The following B3GALT1 variants were observed in gnomAD, a reference collection of about 807,000 sequenced individuals.
B3GALT1 encodes beta-1,3-galactosyltransferase 1.
B3GALT1 carries 10 observed loss-of-function variants against 23.2 expected under a neutral mutation model. That is an observed-to-expected ratio of 0.43 (90% CI 0.27 to 0.73). The LOEUF is 0.73. Among genes scored for constraint, B3GALT1 ranks in the 30% least tolerant of loss-of-function variants. The probability of loss-of-function intolerance (pLI) is 0.21; values close to 1 mark genes in which losing one functional copy is unlikely to be tolerated. For synonymous variants in B3GALT1, 156 were observed against 141.5 expected, an observed-to-expected ratio of 1.10 and a Z score of -0.73; for missense variants, 299 against 405.4, an observed-to-expected ratio of 0.74 and a Z score of 2.25.
intron 3 of B3GALT1, among the ~76,000 whole-genome samples, chr2:167,797,608 G>T (rs1401775739): frequency 6.6e-6 from 1 of 152,194 alleles, no homozygotes; most frequent in African/African-American, 2.4e-5. Flanking sequence ...GTGTAAAAGT[G>T]TTCCTTTTTC....
chr2:167,608,291 A>G (rs912089545), intron 2 of B3GALT1, among the ~76,000 whole-genome samples: 2 of 152,152 alleles, frequency 1.3e-5, no homozygotes, highest in Non-Finnish European at 2.9e-5. Flanking sequence ...TCAGGAAGCT[A>G]TTTCTGTCCC....
chr2:167,648,829 C>G (rs958848970), intron 3 of B3GALT1, among the ~76,000 whole-genome samples: 1 of 152,110 alleles, frequency 6.6e-6, no homozygotes, highest in Non-Finnish European at 1.5e-5. Context: ...TTGACTACTA[C>G]TGGATGTGTT....
intron 1 of B3GALT1, among the ~76,000 whole-genome samples, chr2:167,301,443 G>C (rs766973919): frequency 1.4e-4 from 21 of 152,182 alleles, no homozygotes; most frequent in Non-Finnish European, 2.4e-4. Context: ...TCCTAGAATA[G>C]AAAGTGTGAC....
intron 3 of B3GALT1, among the ~76,000 whole-genome samples, chr2:167,673,063 A>C (rs768688321): frequency 1.1e-4 from 16 of 151,962 alleles, no homozygotes; most frequent in Non-Finnish European, 1.9e-4. Context: ...AGTAGACTCA[A>C]TTAGGAGTTG....
intron 1 of B3GALT1, among the ~76,000 whole-genome samples, chr2:167,351,379 C>T (rs2105255535): frequency 6.6e-6 from 1 of 152,092 alleles, no homozygotes; most frequent in African/African-American, 2.4e-5. Context: ...TACAAGTTCT[C>T]CATGATATTG....
intron 2 of B3GALT1, among the ~76,000 whole-genome samples, chr2:167,525,219 A>C (rs1324180558): frequency 2.0e-5 from 3 of 152,088 alleles, no homozygotes; most frequent in African/African-American, 7.2e-5. Context: ...GTGTATTTTC[A>C]ATATTTTTAT....
chr2:167,831,646 A>G (rs537774473), intron 4 of B3GALT1, among the ~76,000 whole-genome samples: 98 of 152,336 alleles, frequency 6.4e-4, no homozygotes, highest in Middle Eastern at 6.8e-3. Flanking sequence ...GGGACGCTTT[A>G]AAGGTGGATT....
At chr2:167,714,109 C>T in intron 3 of B3GALT1, 1 of 1,529,166 alleles carries the variant, frequency 6.5e-7, no homozygotes, top group East Asian at 2.3e-5. Context: ...AAGGCATTGA[C>T]CCATCCATTT....
chr2:167,471,320 A>G (rs1455538676), intron 1 of B3GALT1, among the ~76,000 whole-genome samples: 2 of 152,214 alleles, frequency 1.3e-5, no homozygotes, highest in South Asian at 2.1e-4. Context: ...CTTACACGCA[A>G]GCTATCCTTT....
intron 2 of B3GALT1, among the ~76,000 whole-genome samples, chr2:167,555,889 A>T (rs1460748472): frequency 2.6e-5 from 4 of 152,202 alleles, no homozygotes; most frequent in Non-Finnish European, 5.9e-5. Context: ...GATTTTGATT[A>T]TACCAACATG....
At chr2:167,854,494 G>A (rs2105421536) in intron 4 of B3GALT1, among the ~76,000 whole-genome samples, 1 of 152,264 alleles carries the variant, frequency 6.6e-6, no homozygotes, top group Admixed American at 6.5e-5. Flanking sequence ...GTTCACATTT[G>A]GAGGCTACAA....
At chr2:167,802,225 T>A (rs1321394560) in intron 3 of B3GALT1, among the ~76,000 whole-genome samples, 1 of 152,212 alleles carries the variant, frequency 6.6e-6, no homozygotes, top group Non-Finnish European at 1.5e-5. Flanking sequence ...GCACACGGAC[T>A]TAGCATGTGG....
At position 167,774,391 on chromosome 2, in the gene B3GALT1, A is replaced by G. The variant is rs12613406; in HGVS notation, c.-351-44281A>G. ...TCATTTTCTTTGGCATTGTCATTCC[A>G]AGACTATTTTCTCTCTATGTGAACC... On this transcript the variant is annotated intron_variant, in intron 3 of 4. Coordinates refer to ENST00000392690, the MANE Select transcript of B3GALT1 (RefSeq NM_020981.4). Among the ~76,000 whole-genome samples, 40 of 152,070 alleles carry G rather than the reference A, an allele frequency of 2.6e-4. No homozygotes were observed. The East Asian group carries it at 7.7e-3, about 29-fold the overall frequency.
In B3GALT1 at chr2:167,867,205, C is replaced by A. The variant is rs186961856; in HGVS notation, c.-229-1606C>A. Among the ~76,000 whole-genome samples the A allele has an allele frequency of 1.6e-4, 24 of 152,310 alleles. No homozygotes were observed. The East Asian group carries it at 4.2e-3, about 27-fold the overall frequency. Reference sequence around the variant, plus strand: ...CCTCCCAAAGTGCTGGGATTACAGGCGTGAGCCACCGCGCCCGGCCGAGAA... The same window carrying A: ...CCTCCCAAAGTGCTGGGATTACAGGAGTGAGCCACCGCGCCCGGCCGAGAA... On this transcript the variant is annotated intron_variant, in intron 4 of 4. Transcript: ENST00000392690.
chr2:167,621,508 G>A (rs551342979), intron 2 of B3GALT1, among the ~76,000 whole-genome samples: 1 of 152,094 alleles, frequency 6.6e-6, no homozygotes, highest in South Asian at 2.1e-4. Flanking sequence ...TCACTTCAAA[G>A]GAACTCCAAG....
chr2:167,483,293 CAAAACAACAACAACA>C (rs778510935), intron 1 of B3GALT1, among the ~76,000 whole-genome samples: 1 of 151,910 alleles, frequency 6.6e-6, no homozygotes, highest in African/African-American at 2.4e-5. Context: ...AACTCCATCT[CAAAACAACAACAACA>C]AAAACAACAA....
chr2:167,440,311 C>T (rs1348960259), intron 1 of B3GALT1, among the ~76,000 whole-genome samples: 6 of 144,012 alleles, frequency 4.2e-5, no homozygotes, highest in Admixed American at 2.1e-4. Flanking sequence ...CCACTGCACA[C>T]TCCATCCTGG....
intron 2 of B3GALT1, among the ~76,000 whole-genome samples, chr2:167,491,077 G>T (rs1699701117): frequency 6.6e-6 from 1 of 152,016 alleles, no homozygotes; most frequent in South Asian, 2.1e-4. Flanking sequence ...TTGCCCCCAG[G>T]GTAATGAGAA....
chr2:167,522,737 A>T (rs1025561865), intron 2 of B3GALT1, among the ~76,000 whole-genome samples: 1 of 152,222 alleles, frequency 6.6e-6, no homozygotes, highest in South Asian at 2.1e-4. Flanking sequence ...TGAAGTCCCT[A>T]TCTAACCTTC....
Sources: allele counts gnomAD v4.1 joint callset (sites outside exome capture counted in the v4.1 genomes callset), GRCh38; gene constraint gnomAD v4.1.1; transcripts MANE v1.5; gene names NCBI Gene and HGNC (gene_info 2026-07-23, HGNC 2026-07-21).